NBAS: variants seen among roughly 807,000 people sequenced by gnomAD.
NBAS encodes NBAS subunit of NRZ tethering complex, also known as NAG/BC035112 fusion.
Under a neutral mutation model 302.5 loss-of-function variants are expected in NBAS, and 219 were observed. That is an observed-to-expected ratio of 0.72 (90% CI 0.65 to 0.81). The LOEUF (loss-of-function observed/expected upper bound fraction) is 0.81. NBAS is among the 30% of genes least tolerant of loss of function. The probability of loss-of-function intolerance (pLI) is 0.00; values close to 1 mark genes in which losing one functional copy is unlikely to be tolerated. For synonymous variants in NBAS, 1,118 were observed against 1,021.6 expected, an observed-to-expected ratio of 1.09 and a Z score of -1.80; for missense variants, 2,932 against 2,841.6, an observed-to-expected ratio of 1.03 and a Z score of -0.72.
At chr2:15,070,586 G>A in the NBAS span, among the ~76,000 whole-genome samples, 1 of 152,018 alleles carries the variant, frequency 6.6e-6, no homozygotes, top group Non-Finnish European at 1.5e-5. Context: ...CTGCCCTACA[G>A]CTAACACTCT....
At chr2:14,935,991 C>T in the NBAS span, among the ~76,000 whole-genome samples, 8 of 152,266 alleles carry the variant, frequency 5.3e-5, no homozygotes, top group East Asian at 1.9e-4. Flanking sequence ...CAGACTCATC[C>T]GAATAAAATA....
chr2:15,538,149 T>G (rs1364475693), intron 7 of NBAS, among the ~76,000 whole-genome samples: 1 of 152,206 alleles, frequency 6.6e-6, no homozygotes, highest in African/African-American at 2.4e-5. Flanking sequence ...AAATTTCACC[T>G]GTTTCTTATT....
chr2:14,901,923 C>A, the NBAS span, among the ~76,000 whole-genome samples: 3 of 152,178 alleles, frequency 2.0e-5, no homozygotes, highest in African/African-American at 7.2e-5. Flanking sequence ...CTGGGAACAG[C>A]AGTGACATGC....
chr2:15,477,414 A>G (rs1558375565), intron 13 of NBAS, among the ~76,000 whole-genome samples: 2 of 152,106 alleles, frequency 1.3e-5, no homozygotes, highest in Non-Finnish European at 2.9e-5. Flanking sequence ...GGTGTGCACC[A>G]CCACGCCTGG....
At chr2:14,936,587 T>C in the NBAS span, among the ~76,000 whole-genome samples, 1 of 152,240 alleles carries the variant, frequency 6.6e-6, no homozygotes, top group African/African-American at 2.4e-5. Context: ...AGGCCACTTC[T>C]GACCACATTA....
chr2:14,786,406 G>T, the NBAS span, among the ~76,000 whole-genome samples: 1 of 151,996 alleles, frequency 6.6e-6, no homozygotes, highest in South Asian at 2.1e-4. Context: ...TCTTTTAATT[G>T]TGATGTTAGG....
the NBAS span, among the ~76,000 whole-genome samples, chr2:15,145,876 C>G: frequency 6.6e-6 from 1 of 152,048 alleles, no homozygotes; most frequent in Non-Finnish European, 1.5e-5. Flanking sequence ...GATGCATGCT[C>G]GAAGTTGAGA....
intron 28 of NBAS, among the ~76,000 whole-genome samples, chr2:15,393,157 G>A (rs554578343): frequency 6.6e-6 from 1 of 151,884 alleles, no homozygotes; most frequent in Admixed American, 6.6e-5. Context: ...GTTAACAAAG[G>A]GGGGAGAAAA....
At chr2:15,043,859 C>T in the NBAS span, among the ~76,000 whole-genome samples, 1 of 152,194 alleles carries the variant, frequency 6.6e-6, no homozygotes, top group Non-Finnish European at 1.5e-5. Flanking sequence ...CATCCCCACA[C>T]TAGCCTGCCA....
chr2:15,257,880 T>C (rs1041296386), intron 44 of NBAS, among the ~76,000 whole-genome samples: 1 of 152,212 alleles, frequency 6.6e-6, no homozygotes, highest in African/African-American at 2.4e-5. Context: ...CTCATATCTA[T>C]GCAAATATAA....
At chr2:14,920,554 G>C in the NBAS span, among the ~76,000 whole-genome samples, 1 of 152,118 alleles carries the variant, frequency 6.6e-6, no homozygotes, top group Admixed American at 6.5e-5. Flanking sequence ...TCCTAATATA[G>C]GGTTGTTTTG....
the NBAS span, among the ~76,000 whole-genome samples, chr2:14,891,534 T>G: frequency 4.6e-5 from 7 of 152,188 alleles, no homozygotes; most frequent in African/African-American, 1.7e-4. Context: ...GCATCCATTT[T>G]TCCAGACACC....
chr2:15,338,710 C>CACAT (rs1454097551), intron 35 of NBAS, among the ~76,000 whole-genome samples: 3 of 148,746 alleles, frequency 2.0e-5, no homozygotes, highest in African/African-American at 5.0e-5. Context: ...CACACACACA[C>CACAT]ATCAAATTAG....
At chr2:15,032,961 C>T in the NBAS span, among the ~76,000 whole-genome samples, 3 of 152,180 alleles carry the variant, frequency 2.0e-5, no homozygotes, top group African/African-American at 7.2e-5. Context: ...GGTCACCTAG[C>T]TTTCCTCAGG....
At chr2:15,423,830 C>T (rs1238845611) in intron 23 of NBAS, among the ~76,000 whole-genome samples, 2 of 152,190 alleles carry the variant, frequency 1.3e-5, no homozygotes, top group African/African-American at 2.4e-5. Flanking sequence ...TCTTCCAGAT[C>T]CTTCTCTAAT....
At chr2:15,011,799 C>T in the NBAS span, among the ~76,000 whole-genome samples, 1 of 152,196 alleles carries the variant, frequency 6.6e-6, no homozygotes, top group Admixed American at 6.5e-5. Context: ...CACTCACAAA[C>T]ATCACTAGCA....
intron 28 of NBAS, among the ~76,000 whole-genome samples, chr2:15,387,947 C>A (rs150265323): frequency 6.6e-6 from 1 of 152,250 alleles, no homozygotes; most frequent in East Asian, 1.9e-4. Flanking sequence ...TTCACCAAAT[C>A]TTTATTAAGC....
At chr2:14,949,833 C>T in the NBAS span, among the ~76,000 whole-genome samples, 1 of 152,008 alleles carries the variant, frequency 6.6e-6, no homozygotes, top group African/African-American at 2.4e-5. Context: ...ATATGTAAAG[C>T]TTAAAAAGTG....
At chr2:14,795,303 G>A in the NBAS span, among the ~76,000 whole-genome samples, 3 of 152,070 alleles carry the variant, frequency 2.0e-5, no homozygotes, top group Admixed American at 6.6e-5. Flanking sequence ...ATATGTGTAT[G>A]GTAATATCTC....
Sources: allele counts gnomAD v4.1 joint callset (sites outside exome capture counted in the v4.1 genomes callset), GRCh38; gene constraint gnomAD v4.1.1; transcripts MANE v1.5; gene names NCBI Gene and HGNC (gene_info 2026-07-23, HGNC 2026-07-21).